Variants in SLC2A9 observed in about 807,000 individuals in gnomAD.
SLC2A9 encodes the protein solute carrier family 2 member 9.
A neutral mutation model predicts 50.6 loss-of-function variants in SLC2A9; 39 were observed. That is an observed-to-expected ratio of 0.77 (90% CI 0.60 to 1.01). The LOEUF is 1.01. Ranked by LOEUF, SLC2A9 falls within the 50% of genes least tolerant of loss-of-function variation. The pLI is 0.00. For synonymous variants in SLC2A9, 324 were observed against 276.9 expected (o/e 1.17, Z -1.69); for missense variants, 686 against 677.6 (o/e 1.01, Z -0.14).
At chr4:9,999,173 G>A (rs899724096) in intron 2 of SLC2A9, among the ~76,000 whole-genome samples, 3 of 151,190 alleles carry the variant, frequency 2.0e-5, no homozygotes, top group African/African-American at 2.4e-5. Context: ...TCAGCCTCCC[G>A]AGTAGCTGAG....
At chr4:9,915,797 T>C (rs1438849073) in intron 7 of SLC2A9, among the ~76,000 whole-genome samples, 3 of 152,246 alleles carry the variant, frequency 2.0e-5, no homozygotes, top group African/African-American at 4.8e-5. Flanking sequence ...TCCACTTTTA[T>C]GATTACAGAG....
intron 7 of SLC2A9, among the ~76,000 whole-genome samples, chr4:9,909,812 T>G (rs971006486): frequency 6.6e-6 from 1 of 152,226 alleles, no homozygotes. Context: ...ACCCCCTGCA[T>G]TAAAGGACCT....
chr4:9,884,755 A>G (rs963978460), intron 10 of SLC2A9, among the ~76,000 whole-genome samples: 1 of 152,218 alleles, frequency 6.6e-6, no homozygotes, highest in Admixed American at 6.5e-5. Flanking sequence ...AATAGCAAAG[A>G]CATAGAATCA....
At chr4:10,001,185 T>A (rs189469585) in intron 2 of SLC2A9, among the ~76,000 whole-genome samples, 1 of 152,292 alleles carries the variant, frequency 6.6e-6, no homozygotes, top group Admixed American at 6.5e-5. Context: ...CCAAACTTCA[T>A]ATGTTGAAGT....
At chr4:9,773,149 G>A (rs1208614222) in intron 1 of SLC2A9, among the ~76,000 whole-genome samples, 1 of 152,204 alleles carries the variant, frequency 6.6e-6, no homozygotes, top group Non-Finnish European at 1.5e-5. Context: ...TGGGAAGAGG[G>A]ACTGAGCTTT....
chr4:9,787,907 T>C (rs1350042577), intron 3 of SLC2A9, among the ~76,000 whole-genome samples: 1 of 152,244 alleles, frequency 6.6e-6, no homozygotes, highest in Non-Finnish European at 1.5e-5. Context: ...GCTCATGAGG[T>C]TACGGTGCTG....
chr4:9,974,410 A>C (rs561120369), intron 5 of SLC2A9, among the ~76,000 whole-genome samples: 29 of 152,326 alleles, frequency 1.9e-4, no homozygotes, highest in African/African-American at 5.8e-4. Flanking sequence ...GGATTTCAGG[A>C]AAGTTTCAGG....
At chr4:9,913,381 G>C in intron 7 of SLC2A9, among the ~76,000 whole-genome samples, 1 of 151,926 alleles carries the variant, frequency 6.6e-6, no homozygotes, top group East Asian at 1.9e-4. Flanking sequence ...AACAGATAGA[G>C]AGAGATAAAG....
rs550762234 is a variant in SLC2A9, at chr4:9,926,164, T to A, written c.815-5592A>T. Among the ~76,000 whole-genome samples the A allele has an allele frequency of 6.6e-5, 10 of 152,094 alleles. 1 individual carries two copies. In the South Asian group the frequency reaches 2.1e-3, roughly 32 times the overall value. ...CTGAGCAAGAGCCACTTAAGGGACG[T>A]TGTGGTACAGTGGGAGAGGGCAGGT... On this transcript the variant is annotated intron_variant, in intron 6 of 11. Coordinates refer to ENST00000264784, the MANE Select transcript of SLC2A9 (RefSeq NM_020041.3).
intron 3 of SLC2A9, among the ~76,000 whole-genome samples, chr4:9,803,365 T>C (rs1721714405): frequency 6.6e-6 from 1 of 152,270 alleles, no homozygotes; most frequent in Non-Finnish European, 1.5e-5. Context: ...GTATGCATTG[T>C]CATTTATCTA....
At chr4:9,828,830 C>T (rs1725557311) in intron 11 of SLC2A9, among the ~76,000 whole-genome samples, 1 of 152,192 alleles carries the variant, frequency 6.6e-6, no homozygotes, top group Admixed American at 6.5e-5. Flanking sequence ...TAACCTTCTC[C>T]CTACCAAGAG....
At position 9,829,883 on chromosome 4, in the gene SLC2A9, G is replaced by A. The variant is rs370195273; in HGVS notation, c.1420-3283C>T. 1.6e-4 allele frequency among the ~76,000 whole-genome samples: 25 copies of A among 152,240 alleles called. No homozygotes were observed. In the South Asian group the frequency reaches 3.9e-3, roughly 24 times the overall value. ...AAACAACAGATGCTGGCGAGCTTGCGGAGAAAAAGGAATGCTTCTACATTG... is the reference window on the plus strand; with the variant it reads ...AAACAACAGATGCTGGCGAGCTTGCAGAGAAAAAGGAATGCTTCTACATTG... On this transcript the variant is annotated intron_variant, in intron 11 of 11. Coordinates refer to ENST00000264784, the MANE Select transcript of SLC2A9 (RefSeq NM_020041.3).
At chr4:9,859,039 G>C (rs541616249) in intron 10 of SLC2A9, among the ~76,000 whole-genome samples, 5 of 152,272 alleles carry the variant, frequency 3.3e-5, no homozygotes, top group African/African-American at 9.6e-5. Flanking sequence ...AGGGACTCTC[G>C]GGTCTTTGGC....
chr4:9,776,619 G>A (rs928989774), downstream of SLC2A9, among the ~76,000 whole-genome samples: 10 of 152,056 alleles, frequency 6.6e-5, no homozygotes, highest in African/African-American at 2.4e-4. Flanking sequence ...AGAGTTTTGT[G>A]GATCTCAGCC....
At chr4:9,873,459 G>A (rs1487245685) in intron 10 of SLC2A9, among the ~76,000 whole-genome samples, 2 of 152,224 alleles carry the variant, frequency 1.3e-5, no homozygotes, top group East Asian at 3.8e-4. Flanking sequence ...GGCGGGCTTT[G>A]TGACTTGCTT....
At chr4:9,898,344 A>C (rs1364345241) in intron 8 of SLC2A9, among the ~76,000 whole-genome samples, 1 of 152,260 alleles carries the variant, frequency 6.6e-6, no homozygotes. Flanking sequence ...GAGGGCAAGA[A>C]AATATCGCCT....
intron 5 of SLC2A9, among the ~76,000 whole-genome samples, chr4:9,960,113 G>A (rs1362076624): frequency 2.6e-5 from 4 of 152,206 alleles, no homozygotes; most frequent in Non-Finnish European, 5.9e-5. Flanking sequence ...TACAGGAGAG[G>A]AGCCTTATTG....
chr4:9,892,558 C>G (rs976194781), intron 8 of SLC2A9, among the ~76,000 whole-genome samples: 1 of 152,148 alleles, frequency 6.6e-6, no homozygotes, highest in East Asian at 1.9e-4. Flanking sequence ...CTTCTTTGCA[C>G]CCAGGACAGG....
chr4:9,775,636 C>A (rs1717451921), downstream of SLC2A9, among the ~76,000 whole-genome samples: 1 of 151,958 alleles, frequency 6.6e-6, no homozygotes, highest in Admixed American at 6.5e-5. Context: ...ATGTCCCTCC[C>A]CACACCCACC....
Sources: gnomAD v4.1 joint callset for allele counts (sites outside exome capture counted in the v4.1 genomes callset) on GRCh38, gnomAD v4.1.1 for gene constraint, MANE v1.5 for transcripts, NCBI Gene and HGNC (gene_info 2026-07-23, HGNC 2026-07-21) for gene names.